Variants in ZNF521 observed in about 807,000 individuals in gnomAD.
The protein encoded by ZNF521 is LYST-interacting protein 3.
ZNF521 carries 14 observed loss-of-function variants against 105.5 expected under a neutral mutation model. That is an observed-to-expected ratio of 0.13 (90% CI 0.09 to 0.21). ZNF521 has a LOEUF of 0.21. ZNF521 is among the 10% of genes least tolerant of loss of function. The probability of loss-of-function intolerance (pLI) is 1.00; values close to 1 mark genes in which losing one functional copy is unlikely to be tolerated. For synonymous variants in ZNF521, 635 were observed against 606.0 expected, an observed-to-expected ratio of 1.05 and a Z score of -0.70; for missense variants, 1,233 against 1,629.7, an observed-to-expected ratio of 0.76 and a Z score of 4.19.
intron 3 of ZNF521, among the ~76,000 whole-genome samples, chr18:25,238,431 ATCCTATATATACACATC>A (rs1391459495): frequency 6.6e-6 from 1 of 152,126 alleles, no homozygotes; most frequent in African/African-American, 2.4e-5. Context: ...GACCAGAAAA[ATCCTATATATACACATC>A]TCCTTAACAG....
At chr18:25,298,989 G>T (rs1440444140) in intron 3 of ZNF521, among the ~76,000 whole-genome samples, 2 of 152,146 alleles carry the variant, frequency 1.3e-5, no homozygotes, top group African/African-American at 4.8e-5. Flanking sequence ...TTGGACAACG[G>T]ACATCCTGGG....
intron 5 of ZNF521, among the ~76,000 whole-genome samples, chr18:25,131,186 C>T (rs2034635243): frequency 6.6e-6 from 1 of 152,094 alleles, no homozygotes; most frequent in Admixed American, 6.6e-5. Flanking sequence ...CAGAATGACC[C>T]TGTTACAAGA....
At chr18:25,092,338 T>A (rs9967069) in intron 5 of ZNF521, among the ~76,000 whole-genome samples, 4 of 152,210 alleles carry the variant, frequency 2.6e-5, no homozygotes, top group Admixed American at 1.3e-4. Context: ...ACTTTTAAAA[T>A]ATAATTGGTG....
intron 6 of ZNF521, among the ~76,000 whole-genome samples, chr18:25,091,708 C>T (rs996436562): frequency 6.6e-6 from 1 of 152,042 alleles, no homozygotes; most frequent in African/African-American, 2.4e-5. Flanking sequence ...TGGAAAAGTG[C>T]AAACTTCTGA....
At chr18:25,203,518 G>C (rs541611771) in intron 4 of ZNF521, among the ~76,000 whole-genome samples, 76 of 152,262 alleles carry the variant, frequency 5.0e-4, no homozygotes, top group African/African-American at 1.8e-3. Flanking sequence ...TTGGGAGACT[G>C]AGTCAGGAGA....
At chr18:25,310,746 G>A (rs1912259762) in intron 3 of ZNF521, among the ~76,000 whole-genome samples, 1 of 152,014 alleles carries the variant, frequency 6.6e-6, no homozygotes, top group Non-Finnish European at 1.5e-5. Context: ...TTCTTGGTTT[G>A]AAGCACTATG....
At chr18:25,106,761 CTTATT>C (rs1036917920) in intron 5 of ZNF521, among the ~76,000 whole-genome samples, 15 of 152,102 alleles carry the variant, frequency 9.9e-5, no homozygotes, top group African/African-American at 3.6e-4. Flanking sequence ...TTAAAATCCT[CTTATT>C]TTAACATAGG....
chr18:25,073,892 G>A (rs573989885), intron 7 of ZNF521, among the ~76,000 whole-genome samples: 5 of 148,218 alleles, frequency 3.4e-5, no homozygotes, highest in African/African-American at 9.9e-5. Flanking sequence ...TTTCCCCACC[G>A]TAAGCCAAAA....
chr18:25,270,580 G>C (rs896225707), intron 3 of ZNF521, among the ~76,000 whole-genome samples: 3 of 152,084 alleles, frequency 2.0e-5, no homozygotes, highest in Non-Finnish European at 4.4e-5. Flanking sequence ...TATTCACCAT[G>C]ATCAAGCCAG....
intron 5 of ZNF521, among the ~76,000 whole-genome samples, chr18:25,145,027 T>G (rs1043626623): frequency 6.6e-6 from 1 of 152,180 alleles, no homozygotes; most frequent in African/African-American, 2.4e-5. Flanking sequence ...TGGCTGCAGA[T>G]GACTGTCTGT....
chr18:25,089,173 G>A lies in ZNF521; in HGVS notation c.3906+292C>T, dbSNP rs115796065. On this transcript the variant is annotated intron_variant, in intron 7 of 7. Transcript: ENST00000361524. The stretch of plus-strand genomic sequence containing the variant: ...GATTTGGGAGAATGAGTCATGACAA[G>A]CAAGGTGAATGATCCCACAGTCCAA... 7.3e-3 allele frequency among the ~76,000 whole-genome samples: 1,118 copies of A among 152,294 alleles called. 15 individuals carry two copies. The highest frequency in any genetic ancestry group is 0.025 in the African/African-American group (1,059 of 41,554).
intron 5 of ZNF521, among the ~76,000 whole-genome samples, chr18:25,103,609 A>T (rs186695647): frequency 2.5e-4 from 38 of 152,298 alleles, no homozygotes; most frequent in African/African-American, 8.2e-4. Context: ...TGGATACACT[A>T]GCACATCTAG....
rs191196864 is a variant in ZNF521, at chr18:25,162,454, A to G, written c.3658+32706T>C. Among the ~76,000 whole-genome samples, 909 of 152,340 alleles carry G rather than the reference A, an allele frequency of 6.0e-3. 5 individuals are homozygous for G. The highest frequency in any genetic ancestry group is 9.2e-3 in the Non-Finnish European group (625 of 68,014). On this transcript the variant is annotated intron_variant, in intron 5 of 7. Transcript: ENST00000361524. ...TTCTAAATAACTAGGGCATCACTAC[A>G]TCTATTTCTGCAACACACAAAATTA... is the stretch of plus-strand genomic sequence containing the variant.
intron 4 of ZNF521, among the ~76,000 whole-genome samples, chr18:25,203,968 C>T (rs2036035961): frequency 6.6e-6 from 1 of 152,064 alleles, no homozygotes; most frequent in South Asian, 2.1e-4. Flanking sequence ...AGTGAGTTCT[C>T]ACGAGATGCG....
chr18:25,302,474 G>A (rs1204077599), intron 3 of ZNF521, among the ~76,000 whole-genome samples: 1 of 152,178 alleles, frequency 6.6e-6, no homozygotes, highest in Non-Finnish European at 1.5e-5. Flanking sequence ...AGCATATTTT[G>A]TGATACTTTC....
intron 5 of ZNF521, among the ~76,000 whole-genome samples, chr18:25,168,362 T>G (rs978945792): frequency 6.6e-6 from 1 of 152,150 alleles, no homozygotes; most frequent in Admixed American, 6.5e-5. Flanking sequence ...CGACAGCCAT[T>G]TTAGATCTCT....
intron 5 of ZNF521, among the ~76,000 whole-genome samples, chr18:25,123,999 G>T (rs947891371): frequency 3.9e-5 from 6 of 151,948 alleles, no homozygotes; most frequent in Non-Finnish European, 8.8e-5. Flanking sequence ...ATATACTTGC[G>T]GGACTGGGAG....
intron 5 of ZNF521, among the ~76,000 whole-genome samples, chr18:25,152,346 G>T (rs1228210702): frequency 1.3e-5 from 2 of 151,970 alleles, no homozygotes. Flanking sequence ...TGGCGTGGTG[G>T]CGCACACCTG....
intron 5 of ZNF521, among the ~76,000 whole-genome samples, chr18:25,096,011 A>G (rs2033844603): frequency 6.6e-6 from 1 of 152,200 alleles, no homozygotes; most frequent in South Asian, 2.1e-4. Flanking sequence ...TGTCTTGGTC[A>G]CCCACTGGAA....
Sources: allele counts gnomAD v4.1 joint callset (sites outside exome capture counted in the v4.1 genomes callset), GRCh38; gene constraint gnomAD v4.1.1; transcripts MANE v1.5; gene names NCBI Gene and HGNC (gene_info 2026-07-23, HGNC 2026-07-21).